Variants in APOOL observed in about 807,000 individuals in gnomAD.
APOOL encodes the protein apolipoprotein O like.
A neutral mutation model predicts 23.1 loss-of-function variants in APOOL; 12 were observed. The ratio of observed to expected loss-of-function variants is 0.52; its 90% CI spans 0.33 to 0.84. The LOEUF (loss-of-function observed/expected upper bound fraction) is 0.84, where lower values mean the gene tolerates loss of function less well. APOOL is among the 40% of genes least tolerant of loss of function. The probability of loss-of-function intolerance (pLI) is 0.02; values close to 1 mark genes in which losing one functional copy is unlikely to be tolerated. For missense variants in APOOL, 212 were observed against 199.6 expected (o/e 1.06, Z -0.37); for synonymous variants, 77 against 69.9 (o/e 1.10, Z -0.51).
chrX:85,068,559 C>T (rs943645190), intron 6 of APOOL, among the ~76,000 whole-genome samples: 1 of 108,769 alleles, frequency 9.2e-6, no homozygotes. Flanking sequence ...GCTCCCACCA[C>T]CACGTCCAGC....
intron 6 of APOOL, among the ~76,000 whole-genome samples, chrX:85,071,210 T>G (rs1923653843): frequency 9.0e-6 from 1 of 111,150 alleles, no homozygotes; most frequent in South Asian, 3.8e-4. Context: ...AGAAATTTAA[T>G]TCAGTTCTTA....
intron 1 of APOOL, among the ~76,000 whole-genome samples, chrX:85,014,528 CA>C (rs1255217627): frequency 1.0e-5 from 1 of 95,658 alleles, no homozygotes; most frequent in African/African-American, 4.1e-5. Context: ...AAATTCTCAG[CA>C]TTTTTTTTTT....
At position 85,092,346 on chromosome X, in the gene APOOL, C is replaced by T. The variant is rs750091686; in HGVS notation, c.*4668C>T. ...ACTGCTGTTAGACTCAGGTGACAGTCAAATGTTGGAGGCTGTGTTGGGATG... is the reference window on the plus strand; with the variant it reads ...ACTGCTGTTAGACTCAGGTGACAGTTAAATGTTGGAGGCTGTGTTGGGATG... On this transcript the variant is annotated 3_prime_UTR_variant, in exon 9 of 9. Coordinates refer to ENST00000373173, the MANE Select transcript of APOOL (RefSeq NM_198450.6). 8.8e-7 allele frequency: 1 copy of T among 1,131,799 alleles called. No homozygotes were observed. Among genetic ancestry groups the T allele is most frequent in the African/African-American group, 1.8e-5 (1 of 54,588 alleles). 93.3% of individuals were successfully genotyped at this position (1,131,799 alleles called of 1,213,427 possible).
At chrX:85,036,656 G>T (rs1233467163) in intron 1 of APOOL, among the ~76,000 whole-genome samples, 8 of 111,347 alleles carry the variant, frequency 7.2e-5, no homozygotes, top group Non-Finnish European at 1.5e-4. Context: ...TGCCTAATTT[G>T]TTGAGGGTTT....
intron 5 of APOOL, among the ~76,000 whole-genome samples, chrX:85,062,547 A>T (rs768294428): frequency 8.9e-6 from 1 of 111,787 alleles, no homozygotes; most frequent in African/African-American, 3.2e-5. Context: ...TTTTTGTATA[A>T]GGTGTAAGGA....
intron 1 of APOOL, among the ~76,000 whole-genome samples, chrX:85,012,329 C>T (rs891227576): frequency 9.0e-6 from 1 of 110,755 alleles, no homozygotes; most frequent in Admixed American, 9.6e-5. Flanking sequence ...ATTTGGGTGC[C>T]CTTTATTTCT....
rs1276959690 is a variant in APOOL at position 85,051,395 on chromosome X, A to G, written c.127A>G (p.Ile43Val). Residue 43 changes from isoleucine to valine, a missense_variant, in exon 3 of 9, where the codon ATA becomes GTA. Transcript: ENST00000373173. The stretch of plus-strand genomic sequence containing the variant: ...GAACATTTTTTGCCTGTAGCTCCCC[A>G]TATATACTGCACCACCGCTCCAGTC... The part of the protein sequence containing the change: ...KQLVKPEQLP[I>V]YTAPPLQSKY... 4 of 1,210,088 alleles carry G rather than the reference A, an allele frequency of 3.3e-6. No individual in the cohort carries two copies. Among genetic ancestry groups the G allele is most frequent in the Non-Finnish European group, 4.5e-6 (4 of 894,877 alleles).
intron 8 of APOOL, among the ~76,000 whole-genome samples, chrX:85,085,187 A>G (rs1453059376): frequency 6.2e-5 from 7 of 112,135 alleles, no homozygotes; most frequent in Non-Finnish European, 1.3e-4. Flanking sequence ...GAATATTTTG[A>G]GATAATCTGC....
chrX:85,032,187 T>C (rs1025390803), intron 1 of APOOL, among the ~76,000 whole-genome samples: 1 of 112,660 alleles, frequency 8.9e-6, no homozygotes. Context: ...GGAATTTTGC[T>C]GATCTGTTGT....
intron 8 of APOOL, among the ~76,000 whole-genome samples, chrX:85,086,283 T>G (rs1924287082): frequency 8.9e-6 from 1 of 111,788 alleles, no homozygotes; most frequent in Non-Finnish European, 1.9e-5. Flanking sequence ...ACCTTAATCT[T>G]CTTTCCTACA....
Position 85,093,118 on chromosome X carries a change from A to G in APOOL, c.*5440A>G. Reference sequence around the variant, plus strand: ...AATGGTGAGATTAATGATTTAATTTATGCCCTGTGAATATTTATTAAGAAA... The same window carrying G: ...AATGGTGAGATTAATGATTTAATTTGTGCCCTGTGAATATTTATTAAGAAA... On this transcript the variant is annotated 3_prime_UTR_variant, in exon 9 of 9. Transcript: ENST00000373173. The G allele has an allele frequency of 1.0e-6, 1 of 1,001,690 alleles. No homozygotes were observed. Among genetic ancestry groups the G allele is most frequent in the Non-Finnish European group, 1.4e-6 (1 of 735,617 alleles). The allele number at this position is 1,001,690 out of a possible 1,213,427, so 82.6% of individuals were successfully genotyped here.
chrX:85,033,284 C>G (rs1175617107), intron 1 of APOOL, among the ~76,000 whole-genome samples: 2 of 111,994 alleles, frequency 1.8e-5, no homozygotes, highest in African/African-American at 6.5e-5. Flanking sequence ...ACCCCTTTTC[C>G]ATTGCTATTA....
At chrX:85,030,620 C>T in intron 1 of APOOL, among the ~76,000 whole-genome samples, 1 of 111,908 alleles carries the variant, frequency 8.9e-6, no homozygotes. Context: ...TTGGATGGGA[C>T]TGGCAGCCAT....
At chrX:85,058,199 G>A (rs897806836) in intron 5 of APOOL, among the ~76,000 whole-genome samples, 3 of 111,069 alleles carry the variant, frequency 2.7e-5, no homozygotes, top group African/African-American at 9.8e-5. Context: ...ACATGCATCA[G>A]CTATTTTTCC....
intron 5 of APOOL, among the ~76,000 whole-genome samples, chrX:85,057,288 A>G (rs1189020751): frequency 9.1e-6 from 1 of 109,547 alleles, no homozygotes; most frequent in Non-Finnish European, 1.9e-5. Flanking sequence ...GTTGCCAGAC[A>G]TTGTCCCCAA....
rs931356727 is a variant in APOOL, at chrX:85,091,038, G to C, written c.*3360G>C. 2.7e-5 allele frequency: 3 copies of C among 112,061 alleles called. No homozygotes were observed. Among genetic ancestry groups the C allele is most frequent in the Non-Finnish European group, 5.6e-5 (3 of 53,252 alleles). 9.2% of individuals were successfully genotyped at this position (112,061 alleles called of 1,213,427 possible). ...GTGAATCACCTGAGGTCAGGAGTTT[G>C]AGACCAGCCTGACCAACATAGTGAA... On this transcript the variant is annotated 3_prime_UTR_variant, in exon 9 of 9. Coordinates refer to ENST00000373173, the MANE Select transcript of APOOL (RefSeq NM_198450.6).
At chrX:85,057,221 G>A (rs930121896) in intron 5 of APOOL, among the ~76,000 whole-genome samples, 2 of 110,293 alleles carry the variant, frequency 1.8e-5, no homozygotes, top group Non-Finnish European at 3.8e-5. Context: ...AGCTGGTGTA[G>A]TTCTGTAGTC....
rs757820082 is a variant in APOOL at position 85,003,901 on chromosome X, A to G, written c.-12A>G. 1 of 1,211,385 alleles carries G rather than the reference A, an allele frequency of 8.3e-7. No individual in the cohort carries two copies. The highest frequency in any genetic ancestry group is 1.1e-6 in the Non-Finnish European group (1 of 895,255). Reference sequence around the variant, plus strand: ...TCTCCGTCTGAAAACCTTGGCCGAAAGGGTTGTAGACATGGCGGCCATCAG... The same window carrying G: ...TCTCCGTCTGAAAACCTTGGCCGAAGGGGTTGTAGACATGGCGGCCATCAG... On this transcript the variant is annotated 5_prime_UTR_variant, in exon 1 of 9. Coordinates refer to ENST00000373173, the MANE Select transcript of APOOL (RefSeq NM_198450.6).
At chrX:85,014,445 G>T (rs2147473086) in intron 1 of APOOL, among the ~76,000 whole-genome samples, 1 of 109,756 alleles carries the variant, frequency 9.1e-6, no homozygotes, top group African/African-American at 3.3e-5. Context: ...TTGTATTTTG[G>T]TGTATTTTGA....
Sources: allele counts gnomAD v4.1 joint callset (sites outside exome capture counted in the v4.1 genomes callset), GRCh38; gene constraint gnomAD v4.1.1; transcripts MANE v1.5; gene names NCBI Gene and HGNC (gene_info 2026-07-23, HGNC 2026-07-21).